The following YBEY variants were observed in gnomAD, a reference collection of about 807,000 sequenced individuals.
The protein encoded by YBEY is ybeY metalloendoribonuclease.
Under a neutral mutation model 13.5 loss-of-function variants are expected in YBEY, and 15 were observed. The observed-to-expected ratio is 1.11, with a 90% confidence interval of 0.75 to 1.72. YBEY has a LOEUF of 1.72. Ranked by LOEUF, YBEY falls within the 40% of genes most tolerant of loss-of-function variation. The probability of loss-of-function intolerance (pLI) is 0.00; values close to 1 mark genes in which losing one functional copy is unlikely to be tolerated. For synonymous variants in YBEY, 101 were observed against 83.1 expected (o/e 1.21, Z -1.17); for missense variants, 244 against 208.4 (o/e 1.17, Z -1.05).
At chr21:46,305,811 G>A in the YBEY span, among the ~76,000 whole-genome samples, 9 of 151,838 alleles carry the variant, frequency 5.9e-5, no homozygotes, top group Middle Eastern at 3.2e-3. Context: ...GCCTGGTGGC[G>A]GGCACATGTA....
At chr21:46,312,773 G>A in the YBEY span, among the ~76,000 whole-genome samples, 1 of 152,156 alleles carries the variant, frequency 6.6e-6, no homozygotes, top group East Asian at 1.9e-4. Context: ...GAGCATCTGG[G>A]GCAGACCCGT....
downstream of YBEY, chr21:46,300,837 T>C: frequency 8.2e-7 from 1 of 1,213,826 alleles, no homozygotes; most frequent in Non-Finnish European, 1.1e-6. Flanking sequence ...TACTTAAAAA[T>C]ATGTAAACAA....
chr21:46,297,400 G>GC (rs5844263), intron 4 of YBEY, 139 bp from the exon 5 acceptor site: 717,891 of 717,908 alleles, frequency 1, 358,937 homozygotes, highest in Middle Eastern at 1. Flanking sequence ...GCCGGGTCCC[G>GC]CCTTCGGCCT....
At chr21:46,286,665 G>A (rs1441061676) in intron 1 of YBEY, 5 of 169,784 alleles carry the variant, frequency 2.9e-5, no homozygotes, top group African/African-American at 1.1e-4. Context: ...CTTCCGCTCC[G>A]CCCGCCTGGA....
At chr21:46,297,433 C>G (rs992271178) in intron 4 of YBEY, 106 bp from the exon 5 acceptor site, 101 of 1,128,478 alleles carry the variant, frequency 9.0e-5, no homozygotes, top group Non-Finnish European at 1.0e-4. Flanking sequence ...CGCGGGCGGC[C>G]GGCTTCCCCC....
the YBEY span, among the ~76,000 whole-genome samples, chr21:46,307,134 G>A: frequency 6.7e-6 from 1 of 150,102 alleles, no homozygotes; most frequent in African/African-American, 2.5e-5. Context: ...GACCTCAGGT[G>A]ATCCAGCCTC....
intron 2 of YBEY, among the ~76,000 whole-genome samples, chr21:46,289,451 T>TG (rs940343828): frequency 1.3e-3 from 164 of 125,402 alleles, no homozygotes; most frequent in African/African-American, 2.8e-3. Context: ...GTTTTGTTTT[T>TG]TTTTTTTTTT....
At position 46,287,620 on chromosome 21, in the gene YBEY, A is replaced by G. The variant is rs577166842; in HGVS notation, c.210+497A>G. On this transcript the variant is annotated intron_variant, in intron 2 of 4. Transcript: ENST00000397701. ...TTTTCAAATATACACAAAAGTAGAG[A>G]GAGCAGTATATTCAGCCTCCACTGA... 1.7e-4 allele frequency among the ~76,000 whole-genome samples: 26 copies of G among 152,310 alleles called. No individual in the cohort carries two copies. The South Asian group carries it at 5.4e-3, about 32-fold the overall frequency.
chr21:46,304,536 T>C, the YBEY span, among the ~76,000 whole-genome samples: 2 of 150,336 alleles, frequency 1.3e-5, no homozygotes, highest in Non-Finnish European at 3.0e-5. Flanking sequence ...AATAAATATA[T>C]GAAAAAGTGA....
chr21:46,302,023 G>A (rs979905654), downstream of YBEY: 5 of 1,536,182 alleles, frequency 3.3e-6, 1 homozygote, highest in African/African-American at 5.5e-5. Context: ...GCGTCCACAG[G>A]CTGGGGGCGG....
In YBEY at chr21:46,296,177, G is replaced by A. The variant is rs1320674910; in HGVS notation, c.355G>A (p.Gly119Arg). The A allele has an allele frequency of 2.5e-6, 4 of 1,613,706 alleles. No homozygotes were observed. The highest frequency in any genetic ancestry group is 4.5e-5 in the East Asian group (2 of 44,876). Residue 119 changes from glycine to arginine, a missense_variant, in exon 4 of 5, where the codon GGA becomes AGA. Transcript: ENST00000397701. ...NDVLTVTATH[G>R]LCHLLGFTHG... ...ATTCTGACAGGTGACGGCCACCCAC[G>A]GACTCTGTCACTTGCTGGGATTCAC...
downstream of YBEY, among the ~76,000 whole-genome samples, chr21:46,298,032 G>GT (rs2082007552): frequency 6.6e-6 from 1 of 152,226 alleles, no homozygotes; most frequent in Non-Finnish European, 1.5e-5. Flanking sequence ...AAACCCTGGA[G>GT]TTTCAGCGCC....
In YBEY at chr21:46,286,952, C is replaced by T. The variant is rs571121357; in HGVS notation, c.39C>T (p.Pro13=). 6.3e-5 allele frequency: 102 copies of T among 1,614,064 alleles called. No homozygotes were observed. In the South Asian group the frequency reaches 1.1e-3, roughly 17 times the overall value. ...LVIRNLQRVI[P]IRRAPLRSKI... is the part of the protein sequence containing the mutation. ...TTAGAAATCTGCAGCGAGTCATCCC[C>T]ATCAGGAGAGCGCCACTTCGCAGTA... Residue 13 remains proline (P), a synonymous_variant, in exon 2 of 5, where the codon CCC becomes CCT. Coordinates refer to ENST00000397701, the MANE Select transcript of YBEY (RefSeq NM_001314025.2).
chr21:46,302,413 A>T (rs2082147080), downstream of YBEY: 1 of 1,250,952 alleles, frequency 8.0e-7, no homozygotes, highest in Non-Finnish European at 1.1e-6. Flanking sequence ...ACACAGATGC[A>T]GAAATTTCCA....
At chr21:46,294,303 C>T (rs1197002203) in intron 3 of YBEY, among the ~76,000 whole-genome samples, 4 of 88,266 alleles carry the variant, frequency 4.5e-5, no homozygotes, top group Admixed American at 1.1e-4. Context: ...TAGCCTGACC[C>T]GTGCCCGGGA....
At chr21:46,299,521 CCA>C (rs1247834271), downstream of YBEY, among the ~76,000 whole-genome samples, 3 of 152,134 alleles carry the variant, frequency 2.0e-5, no homozygotes, top group Non-Finnish European at 2.9e-5. Context: ...CCTTCTGCTC[CCA>C]GAGTCACCCG....
chr21:46,311,726 TC>T, the YBEY span: 1 of 417,662 alleles, frequency 2.4e-6, no homozygotes, highest in Non-Finnish European at 4.3e-6. Context: ...CATCCACCCA[TC>T]CATCCAACCA....
chr21:46,303,745 ATTTTTTTTTTTTTT>A, the YBEY span, among the ~76,000 whole-genome samples: 17 of 23,814 alleles, frequency 7.1e-4, no homozygotes, highest in East Asian at 3.6e-3. Context: ...ATATATATAT[ATTTTTTTTTTTTTT>A]TTTTTTTTTG....
chr21:46,298,641 G>A (rs922311767), downstream of YBEY, among the ~76,000 whole-genome samples: 4 of 151,770 alleles, frequency 2.6e-5, no homozygotes, highest in Non-Finnish European at 5.9e-5. Context: ...GTGTTAGCCA[G>A]GATGGTCTCC....
Sources: allele counts gnomAD v4.1 joint callset (sites outside exome capture counted in the v4.1 genomes callset), GRCh38; gene constraint gnomAD v4.1.1; transcripts MANE v1.5; gene names NCBI Gene and HGNC (gene_info 2026-07-23, HGNC 2026-07-21).